Variants in RYR2 observed in about 807,000 individuals in gnomAD.
RYR2 encodes cardiac muscle ryanodine receptor-calcium release channel.
In RYR2, 227 loss-of-function variants were observed where a neutral mutation model predicts 601.1. The ratio of observed to expected loss-of-function variants is 0.38; its 90% CI spans 0.34 to 0.42. The LOEUF is 0.42. Among genes scored for constraint, RYR2 ranks in the 10% least tolerant of loss-of-function variants. The pLI, the probability that RYR2 is intolerant of heterozygous loss-of-function variation, is 1.00. For missense variants in RYR2, 4,646 were observed against 6,156.5 expected, an observed-to-expected ratio of 0.75 and a Z score of 8.21; for synonymous variants, 2,223 against 2,175.1, an observed-to-expected ratio of 1.02 and a Z score of -0.61.
At chr1:237,270,439 G>A in intron 1 of RYR2, 58 bp from the exon 2 acceptor site, 1 of 1,547,266 alleles carries the variant, frequency 6.5e-7, no homozygotes, top group Non-Finnish European at 8.8e-7. Context: ...ATATGATTTG[G>A]ACTGTGCAGT....
At chr1:237,101,063 A>G (rs1224608684) in intron 1 of RYR2, among the ~76,000 whole-genome samples, 2 of 152,058 alleles carry the variant, frequency 1.3e-5, no homozygotes, top group African/African-American at 4.8e-5. Context: ...CTTTCCTTCA[A>G]GGTTCAGAGG....
chr1:237,654,137 A>G, intron 51 of RYR2, 137 bp from the exon 52 acceptor site: 2 of 977,582 alleles, frequency 2.0e-6, no homozygotes, highest in Non-Finnish European at 1.5e-6. Context: ...ATTCTCCAAG[A>G]TAATTTATAT....
At chr1:237,567,709 T>C (rs958604442) in intron 28 of RYR2, among the ~76,000 whole-genome samples, 4 of 152,066 alleles carry the variant, frequency 2.6e-5, no homozygotes, top group Non-Finnish European at 5.9e-5. Context: ...CTTTTTTTTT[T>C]ATTTTTTAAG....
intron 1 of RYR2, among the ~76,000 whole-genome samples, chr1:237,090,229 A>G (rs1187287639): frequency 6.6e-6 from 1 of 152,174 alleles, no homozygotes; most frequent in African/African-American, 2.4e-5. Context: ...TTGGGTGGGG[A>G]CACAGCCAAA....
rs148264575 is a variant in RYR2 at position 237,051,282 on chromosome 1, T to TTCTCTCTC, written c.48+8727_48+8734dup. 4.1e-3 allele frequency among the ~76,000 whole-genome samples: 326 copies of TTCTCTCTC among 79,370 alleles called. 3 individuals are homozygous for TTCTCTCTC. Among genetic ancestry groups the TTCTCTCTC allele is most frequent in the African/African-American group, 0.011 (204 of 17,830 alleles). 52.1% of individuals were successfully genotyped at this position (79,370 alleles called of 152,430 possible). A position where few individuals can be genotyped will look rare whatever the true frequency, so the allele number is the denominator to read the frequency against. ...TCCCGTTCCCTACCCTCTCCTCCCCTTCTCTCTCTCTCTCTCTCTCTTTCT... is the reference window on the plus strand; with the variant it reads ...TCCCGTTCCCTACCCTCTCCTCCCCTTCTCTCTCTCTCTCTCTCTCTCTCTCTCTTTCT... On this transcript the variant is annotated intron_variant, in intron 1 of 104. Transcript: ENST00000366574.
chr1:237,317,061 G>A (rs942090360), intron 2 of RYR2, among the ~76,000 whole-genome samples: 8 of 152,166 alleles, frequency 5.3e-5, no homozygotes, highest in African/African-American at 1.9e-4. Context: ...GCTGATGATT[G>A]TGCTTCAAAG....
At chr1:237,402,407 A>AAAT in intron 10 of RYR2, among the ~76,000 whole-genome samples, 1 of 150,020 alleles carries the variant, frequency 6.7e-6, no homozygotes, top group South Asian at 2.1e-4. Flanking sequence ...AAGAAAAAAA[A>AAAT]ATATATATAT....
intron 62 of RYR2, among the ~76,000 whole-genome samples, chr1:237,684,226 G>A (rs1219135628): frequency 7.9e-5 from 12 of 151,870 alleles, no homozygotes; most frequent in African/African-American, 1.7e-4. Context: ...ATGAACCACC[G>A]TGCCCGGCCT....
Position 237,093,592 on chromosome 1 carries a change from T to C in RYR2, c.48+51023T>C, listed in dbSNP as rs188047108. Among the ~76,000 whole-genome samples the C allele has an allele frequency of 4.9e-3, 749 of 152,088 alleles. 8 individuals are homozygous for C. Among genetic ancestry groups the C allele is most frequent in the African/African-American group, 0.017 (710 of 41,492 alleles). Reference sequence around the variant, plus strand: ...CTGAGGACTTAGACCTTTGTTTCTCTAGGACCACAGGCTCTGGATGAAGTG... The same window carrying C: ...CTGAGGACTTAGACCTTTGTTTCTCCAGGACCACAGGCTCTGGATGAAGTG... On this transcript the variant is annotated intron_variant, in intron 1 of 104. Transcript: ENST00000366574.
chr1:237,336,312 A>T (rs966573978), intron 3 of RYR2, among the ~76,000 whole-genome samples: 3 of 152,228 alleles, frequency 2.0e-5, no homozygotes, highest in African/African-American at 7.2e-5. Context: ...ATTTTAATAG[A>T]AAATAATACT....
At chr1:237,065,640 G>A (rs12756907) in intron 1 of RYR2, among the ~76,000 whole-genome samples, 31,435 of 151,898 alleles carry the variant, frequency 0.21, 3,421 homozygotes, top group African/African-American at 0.27. Flanking sequence ...CCTAGCCCAT[G>A]GGAGCCACTG....
intron 1 of RYR2, among the ~76,000 whole-genome samples, chr1:237,210,666 G>T (rs962517502): frequency 2.0e-5 from 3 of 152,130 alleles, no homozygotes; most frequent in African/African-American, 7.2e-5. Flanking sequence ...ACTGGGTGCC[G>T]TGTGTTGGTC....
At chr1:237,594,886 G>GTTTTTTTTGTTTTTGTT (rs1675642723) in intron 33 of RYR2, among the ~76,000 whole-genome samples, 1 of 60,402 alleles carries the variant, frequency 1.7e-5, no homozygotes, top group Non-Finnish European at 2.6e-5. Flanking sequence ...ATATCACTGG[G>GTTTTTTTTGTTTTTGTT]TTTTTTTTTT....
intron 1 of RYR2, among the ~76,000 whole-genome samples, chr1:237,126,006 G>T (rs1407862016): frequency 6.6e-6 from 1 of 152,230 alleles, no homozygotes; most frequent in East Asian, 1.9e-4. Flanking sequence ...GGAGGCCGAG[G>T]CGGGCGGATC....
At chr1:237,523,390 A>G (rs1667273173) in intron 24 of RYR2, among the ~76,000 whole-genome samples, 2 of 152,346 alleles carry the variant, frequency 1.3e-5, no homozygotes, top group Admixed American at 6.5e-5. Context: ...TCCAGAATAT[A>G]TATAGAAATC....
intron 10 of RYR2, among the ~76,000 whole-genome samples, chr1:237,406,147 CCCCTCCCCTTCCCTTCCCTTCCCTT>C (rs1703847381): frequency 1.5e-5 from 1 of 64,586 alleles, no homozygotes; most frequent in African/African-American, 6.5e-5. Context: ...TTCATCCCCT[CCCCTCCCCTTCCCTTCCCTTCCCTT>C]CCCTCCCCTC....
chr1:237,369,303 CAA>C lies in RYR2; in HGVS notation c.310-230_310-229del, dbSNP rs1470581968. The stretch of plus-strand genomic sequence containing the variant: ...AATTATGATAATTATTTACTGATAC[CAA>C]GTTTATTTTTCAAGAACTAGATAAA... On this transcript the variant is annotated intron_variant, in intron 5 of 104. Coordinates refer to ENST00000366574, the MANE Select transcript of RYR2 (RefSeq NM_001035.3). Among the ~76,000 whole-genome samples, 5 of 151,826 alleles carry C rather than the reference CAA, an allele frequency of 3.3e-5. No individual in the cohort carries two copies. The East Asian group carries it at 9.6e-4, about 29-fold the overall frequency.
At chr1:237,740,262 G>A (rs886891755) in intron 79 of RYR2, among the ~76,000 whole-genome samples, 2 of 152,088 alleles carry the variant, frequency 1.3e-5, no homozygotes, top group Admixed American at 1.3e-4. Context: ...TGTGATCTTA[G>A]CATATTCTCA....
chr1:237,521,135 C>T (rs552776165), intron 24 of RYR2, among the ~76,000 whole-genome samples: 2 of 149,444 alleles, frequency 1.3e-5, no homozygotes, highest in South Asian at 2.1e-4. Context: ...ATACATAGAA[C>T]TAATATCAAT....
Sources: gnomAD v4.1 joint callset for allele counts (sites outside exome capture counted in the v4.1 genomes callset) on GRCh38, gnomAD v4.1.1 for gene constraint, MANE v1.5 for transcripts, NCBI Gene and HGNC (gene_info 2026-07-23, HGNC 2026-07-21) for gene names.